Variants in PPFIA1 observed in about 807,000 individuals in gnomAD.
The protein encoded by PPFIA1 is liprin-alpha-1.
A neutral mutation model predicts 149.9 loss-of-function variants in PPFIA1; 25 were observed. That is an observed-to-expected ratio of 0.17 (90% CI 0.12 to 0.23). The LOEUF (loss-of-function observed/expected upper bound fraction) is 0.23, where lower values mean the gene tolerates loss of function less well. Among genes scored for constraint, PPFIA1 ranks in the 10% least tolerant of loss-of-function variants. PPFIA1 has a pLI of 1.00. For synonymous variants in PPFIA1, 549 were observed against 552.8 expected, an observed-to-expected ratio of 0.99 and a Z score of 0.10; for missense variants, 1,362 against 1,506.5, an observed-to-expected ratio of 0.90 and a Z score of 1.59.
rs147055270 is a variant in PPFIA1, at chr11:70,347,230, A to G, written c.1932-959A>G. On this transcript the variant is annotated intron_variant, in intron 15 of 27. Coordinates refer to ENST00000253925, the MANE Select transcript of PPFIA1 (RefSeq NM_003626.5). ...TAAGAATAGGGGAGATAAGGGTCAT[A>G]AAATTTTAAAATATCACTTAGTAAG... Among the ~76,000 whole-genome samples the G allele has an allele frequency of 1.2e-4, 19 of 152,342 alleles. No individual in the cohort carries two copies. In the East Asian group the frequency reaches 3.7e-3, roughly 29 times the overall value.
chr11:70,302,611 T>G (rs1467858302), intron 2 of PPFIA1, among the ~76,000 whole-genome samples: 2 of 152,200 alleles, frequency 1.3e-5, no homozygotes, highest in Non-Finnish European at 2.9e-5. Context: ...TTAAGAAAAC[T>G]GCATGAGACA....
At chr11:70,303,966 A>C (rs564433449) in intron 2 of PPFIA1, among the ~76,000 whole-genome samples, 1 of 152,236 alleles carries the variant, frequency 6.6e-6, no homozygotes, top group Non-Finnish European at 1.5e-5. Context: ...AGATCGCGCC[A>C]CTGCACTCCA....
At chr11:70,324,312 T>C in intron 2 of PPFIA1, 90 bp from the exon 3 acceptor site, 1 of 877,668 alleles carries the variant, frequency 1.1e-6, no homozygotes, top group Non-Finnish European at 1.8e-6. Flanking sequence ...GTAATGAGGT[T>C]GCCTTTGTGT....
intron 21 of PPFIA1, among the ~76,000 whole-genome samples, chr11:70,368,063 G>A (rs745426195): frequency 2.0e-5 from 3 of 152,128 alleles, no homozygotes; most frequent in East Asian, 1.9e-4. Flanking sequence ...GCTTGAGCCC[G>A]GAAAGTGGAC....
chr11:70,378,584 C>A, intron 26 of PPFIA1: 2 of 432,212 alleles, frequency 4.6e-6, no homozygotes, highest in Non-Finnish European at 6.2e-6. Context: ...GCTCTCCACA[C>A]CAGAGAAAAT....
chr11:70,281,776 G>C (rs969926351), intron 2 of PPFIA1, among the ~76,000 whole-genome samples: 1 of 152,162 alleles, frequency 6.6e-6, no homozygotes, highest in Non-Finnish European at 1.5e-5. Flanking sequence ...CCTCTCTTTG[G>C]TTTGGAATGT....
At chr11:70,298,499 T>C (rs2052247110) in intron 2 of PPFIA1, among the ~76,000 whole-genome samples, 1 of 152,222 alleles carries the variant, frequency 6.6e-6, no homozygotes, top group Non-Finnish European at 1.5e-5. Flanking sequence ...CTTTCTTTTT[T>C]GTGTTCCCCA....
At chr11:70,272,710 A>T (rs1486813233) in intron 2 of PPFIA1, among the ~76,000 whole-genome samples, 1 of 152,164 alleles carries the variant, frequency 6.6e-6, no homozygotes, top group Non-Finnish European at 1.5e-5. Flanking sequence ...AGAGTTTTTG[A>T]AAAAGGGCTC....
rs926450598 is a variant in PPFIA1, at chr11:70,354,817, C to T, written c.2315+365C>T. ...ATTGGAACCGCTCTCTAGGACAACC[C>T]GTGCCTTTCTTGTGCCTTTTGTAAA... On this transcript the variant is annotated intron_variant, in intron 17 of 27. Transcript: ENST00000253925. Among the ~76,000 whole-genome samples, 7 of 152,080 alleles carry T rather than the reference C, an allele frequency of 4.6e-5. No homozygotes were observed. In the East Asian group the frequency reaches 9.7e-4, roughly 21 times the overall value.
At chr11:70,340,800 C>G (rs1245659439) in intron 14 of PPFIA1, among the ~76,000 whole-genome samples, 1 of 151,004 alleles carries the variant, frequency 6.6e-6, no homozygotes, top group African/African-American at 2.4e-5. Flanking sequence ...TTCACAGCTC[C>G]TGTGAGCACA....
intron 24 of PPFIA1, among the ~76,000 whole-genome samples, chr11:70,376,175 G>C (rs1053015078): frequency 6.6e-6 from 1 of 152,208 alleles, no homozygotes; most frequent in African/African-American, 2.4e-5. Context: ...TTTTAGTATA[G>C]ATGGGATTTC....
chr11:70,289,275 G>A (rs2051361964), intron 2 of PPFIA1, among the ~76,000 whole-genome samples: 1 of 151,882 alleles, frequency 6.6e-6, no homozygotes, highest in African/African-American at 2.4e-5. Flanking sequence ...CTGGCTGAAG[G>A]TAGCATCTTT....
rs371715656 is a variant in PPFIA1 at position 70,342,867 on chromosome 11, C to T, written c.1708-802C>T. Among the ~76,000 whole-genome samples, 90 of 145,766 alleles carry T rather than the reference C, an allele frequency of 6.2e-4. 2 individuals are homozygous for T. The highest frequency in any genetic ancestry group is 2.4e-3 in the Admixed American group (35 of 14,508). On this transcript the variant is annotated intron_variant, in intron 14 of 27. Transcript: ENST00000253925. ...GGTAATTGGGATATCCATCACCTTA[C>T]GTATTTCTCTTTTCTTTACACTAGG...
intron 2 of PPFIA1, among the ~76,000 whole-genome samples, chr11:70,287,927 G>A (rs2051257722): frequency 6.6e-6 from 1 of 151,874 alleles, no homozygotes; most frequent in African/African-American, 2.4e-5. Flanking sequence ...ATTACATAAT[G>A]ATGTTGGCCC....
intron 2 of PPFIA1, among the ~76,000 whole-genome samples, chr11:70,321,990 G>A (rs1402791785): frequency 2.6e-5 from 4 of 152,118 alleles, no homozygotes; most frequent in Admixed American, 6.5e-5. Flanking sequence ...CTGTCTCAGC[G>A]TCCTGAGTAG....
At chr11:70,308,559 G>T (rs1388793176) in intron 2 of PPFIA1, among the ~76,000 whole-genome samples, 1 of 152,154 alleles carries the variant, frequency 6.6e-6, no homozygotes, top group Non-Finnish European at 1.5e-5. Flanking sequence ...ATATAAACTG[G>T]ATGTCATATG....
chr11:70,381,183 G>C (rs1027518793), intron 26 of PPFIA1: 3 of 152,120 alleles, frequency 2.0e-5, no homozygotes, highest in Non-Finnish European at 2.9e-5. Context: ...GAGTCAGAGG[G>C]TTTGTGAAGA....
chr11:70,328,110 G>C (rs376126296), intron 7 of PPFIA1, among the ~76,000 whole-genome samples: 2 of 152,200 alleles, frequency 1.3e-5, no homozygotes, highest in African/African-American at 4.8e-5. Flanking sequence ...TAAGTTTGGG[G>C]TACACGTGTA....
chr11:70,371,019 G>A (rs999804385), intron 21 of PPFIA1, among the ~76,000 whole-genome samples: 1 of 152,066 alleles, frequency 6.6e-6, no homozygotes, highest in African/African-American at 2.4e-5. Flanking sequence ...TGTAATCCCA[G>A]ATACTCGGGA....
Sources: allele counts gnomAD v4.1 joint callset (sites outside exome capture counted in the v4.1 genomes callset), GRCh38; gene constraint gnomAD v4.1.1; transcripts MANE v1.5; gene names NCBI Gene and HGNC (gene_info 2026-07-23, HGNC 2026-07-21).